The following TP63 variants were observed in gnomAD, a reference collection of about 807,000 sequenced individuals.
TP63 encodes tumor protein 63.
A neutral mutation model predicts 82.8 loss-of-function variants in TP63; 17 were observed. The ratio of observed to expected loss-of-function variants is 0.21; its 90% CI spans 0.14 to 0.31. The LOEUF is 0.31. TP63 is among the 10% of genes least tolerant of loss of function. The pLI is 1.00. For synonymous variants in TP63, 330 were observed against 321.7 expected, an observed-to-expected ratio of 1.03 and a Z score of -0.28; for missense variants, 648 against 895.3, an observed-to-expected ratio of 0.72 and a Z score of 3.52.
intron 5 of TP63, among the ~76,000 whole-genome samples, chr3:189,865,547 G>T (rs1428427879): frequency 6.6e-6 from 1 of 152,042 alleles, no homozygotes; most frequent in Non-Finnish European, 1.5e-5. Flanking sequence ...AGGTGTTGGG[G>T]GTTAGGATAC....
At chr3:189,753,551 T>A (rs1721976844) in intron 3 of TP63, among the ~76,000 whole-genome samples, 1 of 152,048 alleles carries the variant, frequency 6.6e-6, no homozygotes, top group South Asian at 2.1e-4. Flanking sequence ...TTTAACCTAC[T>A]TTTATCATTA....
At chr3:189,835,946 A>G (rs972494983) in intron 4 of TP63, among the ~76,000 whole-genome samples, 5 of 145,086 alleles carry the variant, frequency 3.4e-5, no homozygotes, top group Admixed American at 6.9e-5. Context: ...TAATAATAAT[A>G]ATAATAATAA....
intron 2 of TP63, among the ~76,000 whole-genome samples, chr3:189,738,225 GTTTA>G (rs918170266): frequency 2.0e-5 from 3 of 152,068 alleles, no homozygotes; most frequent in South Asian, 2.1e-4. Context: ...AAATTTTGTT[GTTTA>G]TTTATACCTT....
intron 1 of TP63, among the ~76,000 whole-genome samples, chr3:189,708,703 A>T (rs564095625): frequency 6.6e-6 from 1 of 152,348 alleles, no homozygotes; most frequent in East Asian, 1.9e-4. Context: ...TCAAAGACAC[A>T]GATTTCATTC....
intron 4 of TP63, among the ~76,000 whole-genome samples, chr3:189,845,741 A>G (rs9817981): frequency 0.47 from 69,037 of 145,624 alleles, 17,394 homozygotes; most frequent in African/African-American, 0.64. Context: ...CCTTCCTTGA[A>G]GAGGGATTGA....
At chr3:189,865,103 T>G (rs1374898979) in intron 5 of TP63, among the ~76,000 whole-genome samples, 1 of 152,138 alleles carries the variant, frequency 6.6e-6, no homozygotes, top group Admixed American at 6.5e-5. Context: ...TCAGATTTAG[T>G]GTTTTCCCAG....
At chr3:189,691,923 A>C (rs1716964383) in intron 1 of TP63, among the ~76,000 whole-genome samples, 1 of 152,226 alleles carries the variant, frequency 6.6e-6, no homozygotes, top group Admixed American at 6.5e-5. Flanking sequence ...AATTATGTTC[A>C]AGGCAAGTGT....
At chr3:189,884,584 A>G (rs1293749979) in intron 10 of TP63, among the ~76,000 whole-genome samples, 1 of 152,212 alleles carries the variant, frequency 6.6e-6, no homozygotes, top group Non-Finnish European at 1.5e-5. Context: ...TGTGACAATC[A>G]TTCAGAAAAT....
At chr3:189,647,483 T>G (rs1192821617) in intron 1 of TP63, among the ~76,000 whole-genome samples, 4 of 147,016 alleles carry the variant, frequency 2.7e-5, no homozygotes, top group African/African-American at 1.0e-4. Flanking sequence ...CAGGTCCTCC[T>G]CTGGTGCCTT....
intron 1 of TP63, among the ~76,000 whole-genome samples, chr3:189,669,198 G>A (rs1221482225): frequency 6.6e-6 from 1 of 151,764 alleles, no homozygotes; most frequent in East Asian, 1.9e-4. Flanking sequence ...TTGGTGTGGT[G>A]CTAGTATATA....
At chr3:189,707,836 AT>A (rs1286267294) in intron 1 of TP63, among the ~76,000 whole-genome samples, 2 of 152,158 alleles carry the variant, frequency 1.3e-5, no homozygotes, top group African/African-American at 4.8e-5. Flanking sequence ...GACCTTACCT[AT>A]TTTTTAGAGT....
intron 4 of TP63, among the ~76,000 whole-genome samples, chr3:189,846,384 C>A (rs575418088): frequency 1.8e-4 from 27 of 152,064 alleles, no homozygotes; most frequent in Admixed American, 5.2e-4. Context: ...TTTTCCATGT[C>A]ATTGTTGAAA....
chr3:189,851,741 G>C (rs1281487426), intron 4 of TP63, among the ~76,000 whole-genome samples: 3 of 152,102 alleles, frequency 2.0e-5, no homozygotes, highest in Non-Finnish European at 4.4e-5. Context: ...GCAGAAATAA[G>C]TTGTGAAAAT....
intron 4 of TP63, among the ~76,000 whole-genome samples, chr3:189,819,364 T>C (rs1208478119): frequency 1.3e-5 from 2 of 152,086 alleles, no homozygotes; most frequent in Non-Finnish European, 2.9e-5. Context: ...TACATATGTA[T>C]ACGTGTGCCA....
At chr3:189,677,116 A>G (rs1415128059) in intron 1 of TP63, among the ~76,000 whole-genome samples, 1 of 151,654 alleles carries the variant, frequency 6.6e-6, no homozygotes, top group African/African-American at 2.4e-5. Flanking sequence ...ACTTAAGATA[A>G]TGGCCTCTAG....
chr3:189,688,163 T>C (rs1716596189), intron 1 of TP63, among the ~76,000 whole-genome samples: 1 of 152,184 alleles, frequency 6.6e-6, no homozygotes, highest in East Asian at 1.9e-4. Context: ...AGAAATTGGT[T>C]CTGAGGAAAA....
At chr3:189,749,386 A>G (rs1721626004) in intron 3 of TP63, among the ~76,000 whole-genome samples, 3 of 152,246 alleles carry the variant, frequency 2.0e-5, no homozygotes, top group African/African-American at 2.4e-5. Context: ...ATCAAAAGAT[A>G]TGAAAAGACA....
intron 10 of TP63, among the ~76,000 whole-genome samples, chr3:189,875,599 T>TATATATATATATATATATATACAC (rs1718984003): frequency 2.4e-5 from 1 of 42,092 alleles, no homozygotes; most frequent in Non-Finnish European, 5.7e-5. Flanking sequence ...CATACATATA[T>TATATATATATATATATATATACAC]ATATATATAT....
chr3:189,834,410 TCTTATG>T (rs1486653956), intron 4 of TP63, among the ~76,000 whole-genome samples: 1 of 152,164 alleles, frequency 6.6e-6, no homozygotes, highest in Non-Finnish European at 1.5e-5. Context: ...AAACATAGAT[TCTTATG>T]CTTATGCACT....
Sources: gnomAD v4.1 joint callset for allele counts (sites outside exome capture counted in the v4.1 genomes callset) on GRCh38, gnomAD v4.1.1 for gene constraint, MANE v1.5 for transcripts, NCBI Gene and HGNC (gene_info 2026-07-23, HGNC 2026-07-21) for gene names.